AGBL4: variants seen among roughly 807,000 people sequenced by gnomAD.
AGBL4 encodes cytosolic carboxypeptidase 6.
In AGBL4, 58 loss-of-function variants were observed where a neutral mutation model predicts 66.4. That is an observed-to-expected ratio of 0.87 (90% CI 0.71 to 1.09). AGBL4 has a LOEUF of 1.09. Among genes scored for constraint, AGBL4 ranks in the 50% least tolerant of loss-of-function variants. The probability of loss-of-function intolerance (pLI) is 0.00; values close to 1 mark genes in which losing one functional copy is unlikely to be tolerated. For synonymous variants in AGBL4, 234 were observed against 222.9 expected (o/e 1.05, Z -0.44); for missense variants, 579 against 631.0 (o/e 0.92, Z 0.88).
intron 6 of AGBL4, among the ~76,000 whole-genome samples, chr1:48,711,333 G>C (rs1410160843): frequency 1.3e-5 from 2 of 152,198 alleles, no homozygotes; most frequent in Admixed American, 1.3e-4. Flanking sequence ...AACTGAACAA[G>C]TGCTTTAATG....
At chr1:50,000,121 C>T (rs1660638387) in intron 1 of AGBL4, among the ~76,000 whole-genome samples, 1 of 152,058 alleles carries the variant, frequency 6.6e-6, no homozygotes, top group Admixed American at 6.6e-5. Flanking sequence ...AAATAATCAG[C>T]AGACTAAACA....
At chr1:49,590,411 G>T (rs1406752738) in intron 3 of AGBL4, among the ~76,000 whole-genome samples, 2 of 151,466 alleles carry the variant, frequency 1.3e-5, no homozygotes, top group African/African-American at 2.4e-5. Context: ...AAAAAAGGAG[G>T]CTAGTCCCTG....
At chr1:49,844,434 C>A (rs185726596) in intron 2 of AGBL4, among the ~76,000 whole-genome samples, 27 of 151,816 alleles carry the variant, frequency 1.8e-4, no homozygotes, top group African/African-American at 5.3e-4. Flanking sequence ...CTGTTTTTCC[C>A]TTCCTCTCCT....
At chr1:48,791,125 A>T (rs1251273861) in intron 6 of AGBL4, among the ~76,000 whole-genome samples, 1 of 152,208 alleles carries the variant, frequency 6.6e-6, no homozygotes. Context: ...TGATTAAGAC[A>T]TGACCAAATC....
chr1:48,680,628 G>A (rs745418926), intron 6 of AGBL4, among the ~76,000 whole-genome samples: 3 of 152,242 alleles, frequency 2.0e-5, no homozygotes, highest in Non-Finnish European at 4.4e-5. Flanking sequence ...CTTGTGGCAA[G>A]GCCGAAGAAG....
At chr1:49,917,488 G>A (rs1359801712) in intron 1 of AGBL4, among the ~76,000 whole-genome samples, 1 of 151,960 alleles carries the variant, frequency 6.6e-6, no homozygotes. Context: ...AGACAAAGAA[G>A]GCCATTACAT....
At chr1:49,393,707 G>A (rs1209838509) in intron 3 of AGBL4, among the ~76,000 whole-genome samples, 2 of 152,178 alleles carry the variant, frequency 1.3e-5, no homozygotes, top group African/African-American at 4.8e-5. Context: ...AGGAGCAAGA[G>A]TATTTTGATA....
Position 49,076,415 on chromosome 1 carries a change from T to C in AGBL4, c.378-30615A>G, listed in dbSNP as rs199677533. On this transcript the variant is annotated intron_variant, in intron 4 of 13. Transcript: ENST00000371839. Reference sequence around the variant, plus strand: ...ATTGTTGTATTGTTGAATCCATGGATGCAGAACCAGAGACAGGGAGGCCCA... The same window carrying C: ...ATTGTTGTATTGTTGAATCCATGGACGCAGAACCAGAGACAGGGAGGCCCA... 2.0e-5 allele frequency among the ~76,000 whole-genome samples: 3 copies of C among 152,230 alleles called. No individual in the cohort carries two copies. In the East Asian group the frequency reaches 5.8e-4, roughly 29 times the overall value.
chr1:49,439,911 A>G (rs1389506519), intron 3 of AGBL4, among the ~76,000 whole-genome samples: 2 of 152,112 alleles, frequency 1.3e-5, no homozygotes, highest in African/African-American at 4.8e-5. Context: ...CTATCCTATT[A>G]GTTCTGTCCC....
intron 4 of AGBL4, among the ~76,000 whole-genome samples, chr1:49,095,614 G>T (rs1371906929): frequency 2.0e-5 from 3 of 152,138 alleles, no homozygotes; most frequent in Admixed American, 2.0e-4. Flanking sequence ...AATAAATGGT[G>T]CTGGGAAAAC....
chr1:48,998,596 C>T (rs943389440), intron 5 of AGBL4, among the ~76,000 whole-genome samples: 2 of 152,204 alleles, frequency 1.3e-5, no homozygotes, highest in African/African-American at 4.8e-5. Flanking sequence ...TTTGTGAACT[C>T]TCTCTTTCCT....
chr1:49,444,076 C>T (rs1646097892), intron 3 of AGBL4, among the ~76,000 whole-genome samples: 1 of 151,648 alleles, frequency 6.6e-6, no homozygotes, highest in South Asian at 2.1e-4. Flanking sequence ...TTCCAAAGTT[C>T]CTCTTGGTAT....
chr1:48,776,869 G>C, intron 6 of AGBL4: 3 of 1,385,952 alleles, frequency 2.2e-6, no homozygotes, highest in Non-Finnish European at 2.9e-6. Flanking sequence ...GGGCAGCTCA[G>C]CCCGCGGGGC....
intron 13 of AGBL4, 127 bp downstream of exon 13, chr1:48,534,763 T>C: frequency 9.6e-7 from 1 of 1,040,208 alleles, no homozygotes; most frequent in Non-Finnish European, 1.4e-6. Flanking sequence ...CCTCACTGCC[T>C]GAAAATCCAC....
intron 3 of AGBL4, among the ~76,000 whole-genome samples, chr1:49,438,346 T>C (rs1445128483): frequency 1.8e-4 from 27 of 152,180 alleles, no homozygotes; most frequent in Admixed American, 1.7e-3. Flanking sequence ...TATGGTTTCT[T>C]TGGTGATTTG....
intron 3 of AGBL4, among the ~76,000 whole-genome samples, chr1:49,427,355 G>A (rs1469868110): frequency 6.6e-6 from 1 of 151,942 alleles, no homozygotes; most frequent in Non-Finnish European, 1.5e-5. Context: ...TAGAAAGAAA[G>A]GATAATCTGA....
In AGBL4 at chr1:48,783,013, C is replaced by T. The variant is rs1052203241; in HGVS notation, c.634+84178G>A. On this transcript the variant is annotated intron_variant, in intron 6 of 13. Transcript: ENST00000371839. ...TTCCAGAATGTCATATAGTTGGAAT[C>T]ATACACTATGTAGCCTTCTCAGATT... Among the ~76,000 whole-genome samples, 5 of 152,230 alleles carry T rather than the reference C, an allele frequency of 3.3e-5. 1 individual carries two copies. The highest frequency in any genetic ancestry group is 1.3e-4 in the Admixed American group (2 of 15,292).
intron 3 of AGBL4, among the ~76,000 whole-genome samples, chr1:49,669,636 T>C (rs758701546): frequency 6.6e-6 from 1 of 152,088 alleles, no homozygotes; most frequent in Non-Finnish European, 1.5e-5. Context: ...ACTGCAATGA[T>C]AGAAAGGGAA....
intron 6 of AGBL4, among the ~76,000 whole-genome samples, chr1:48,791,278 C>T (rs1038647135): frequency 6.6e-6 from 1 of 152,158 alleles, no homozygotes; most frequent in Non-Finnish European, 1.5e-5. Context: ...TAAACATATC[C>T]CAGCATTTTC....
Sources: allele counts gnomAD v4.1 joint callset (sites outside exome capture counted in the v4.1 genomes callset), GRCh38; gene constraint gnomAD v4.1.1; transcripts MANE v1.5; gene names NCBI Gene and HGNC (gene_info 2026-07-23, HGNC 2026-07-21).